The following SOBP variants were observed in gnomAD, a reference collection of about 807,000 sequenced individuals.
The protein encoded by SOBP is sine oculis-binding protein homolog.
Under a neutral mutation model 53.6 loss-of-function variants are expected in SOBP, and 4 were observed. The ratio of observed to expected loss-of-function variants is 0.07; its 90% CI spans 0.04 to 0.17. The LOEUF is 0.17. Ranked by LOEUF, SOBP falls within the 10% of genes least tolerant of loss-of-function variation. The probability of loss-of-function intolerance (pLI) is 1.00; values close to 1 mark genes in which losing one functional copy is unlikely to be tolerated. For missense variants in SOBP, 1,088 were observed against 1,204.7 expected (o/e 0.90, Z 1.43); for synonymous variants, 584 against 522.6 (o/e 1.12, Z -1.60).
At chr6:107,517,176 A>G (rs902304123) in intron 3 of SOBP, among the ~76,000 whole-genome samples, 1 of 152,236 alleles carries the variant, frequency 6.6e-6, no homozygotes, top group Non-Finnish European at 1.5e-5. Flanking sequence ...GGTATAAACA[A>G]TTATAACAGA....
chr6:107,516,018 T>G (rs1474334113), intron 3 of SOBP, among the ~76,000 whole-genome samples: 1 of 152,118 alleles, frequency 6.6e-6, no homozygotes, highest in Admixed American at 6.5e-5. Context: ...TTTAGCACTA[T>G]AAATGATTAA....
At position 107,635,112 on chromosome 6, in the gene SOBP, G is replaced by C; in HGVS notation, c.2268G>C (p.Lys756Asn). ...CGCCGCCGCCCGCGCCCCCCAAGAA[G>C]CTGCTGTCGCCTGAGGAACCGGCGG... is the stretch of plus-strand genomic sequence containing the variant. ...PPPPPPAPPK[K>N]LLSPEEPAVS... The change falls in exon 6 of 7, where the codon AAG (lysine) becomes AAC (asparagine). Residue 756 changes from lysine to asparagine, a missense_variant. This residue lies in a region of SOBP where 665 missense variants were observed against 629.7 expected (regional missense o/e 1.06). Transcript: ENST00000317357. This position sits in a 1 kb window ranked among gnomAD's most constrained non-coding sequence, Gnocchi z 4.5. 6.2e-7 allele frequency: 1 copy of C among 1,610,516 alleles called. No individual in the cohort carries two copies. The highest frequency in any genetic ancestry group is 8.5e-7 in the Non-Finnish European group (1 of 1,178,548).
chr6:107,490,442 A>AC lies in SOBP; in HGVS notation c.-171dup. On this transcript the variant is annotated 5_prime_UTR_variant, in exon 1 of 7. Transcript: ENST00000317357. ...CTGACGTCCTCCGCCGCTAGAAGAGACCCCGCTTCTCGGCGCCTGCCCTCC... is the reference window on the plus strand; with the variant it reads ...CTGACGTCCTCCGCCGCTAGAAGAGACCCCCGCTTCTCGGCGCCTGCCCTCC... 1 of 563,130 alleles carries AC rather than the reference A, an allele frequency of 1.8e-6. No individual in the cohort carries two copies. Among genetic ancestry groups the AC allele is most frequent in the South Asian group, 1.9e-5 (1 of 52,160 alleles). The allele number at this position is 563,130 out of a possible 1,614,324, so 34.9% of individuals were successfully genotyped here. A position where few individuals can be genotyped will look rare whatever the true frequency, so the allele number is the denominator to read the frequency against.
chr6:107,525,868 T>C (rs139152198), intron 3 of SOBP, among the ~76,000 whole-genome samples: 1 of 152,166 alleles, frequency 6.6e-6, no homozygotes, highest in Non-Finnish European at 1.5e-5. Flanking sequence ...GGAACTGGAT[T>C]TCTAGTCTCT....
At chr6:107,506,158 T>C (rs1249683472) in intron 2 of SOBP, 84 bp from the exon 3 acceptor site, 1 of 1,230,094 alleles carries the variant, frequency 8.1e-7, no homozygotes, top group African/African-American at 1.5e-5. Context: ...TTCATGGCCA[T>C]TTTACTTGAG....
intron 4 of SOBP, among the ~76,000 whole-genome samples, chr6:107,542,724 T>C (rs1320613083): frequency 6.6e-6 from 1 of 152,144 alleles, no homozygotes; most frequent in African/African-American, 2.4e-5. Flanking sequence ...ATTGAACCAA[T>C]TTAGTTTTTT....
intron 3 of SOBP, among the ~76,000 whole-genome samples, chr6:107,521,187 C>T (rs990807318): frequency 1.3e-5 from 2 of 148,496 alleles, no homozygotes; most frequent in African/African-American, 5.0e-5. Context: ...GTCACTCACC[C>T]AGTGTCTCCT....
intron 1 of SOBP, among the ~76,000 whole-genome samples, chr6:107,498,489 T>C (rs1210073264): frequency 6.6e-6 from 1 of 152,206 alleles, no homozygotes; most frequent in Non-Finnish European, 1.5e-5. Flanking sequence ...AATTTGTAAT[T>C]ACTGCTATTT....
intron 4 of SOBP, among the ~76,000 whole-genome samples, chr6:107,563,437 CTG>C (rs1263777953): frequency 1.3e-5 from 2 of 152,040 alleles, no homozygotes; most frequent in African/African-American, 2.4e-5. Flanking sequence ...AGTTGCAACT[CTG>C]TAATTATTCT....
intron 5 of SOBP, among the ~76,000 whole-genome samples, chr6:107,631,939 A>G (rs1770731088): frequency 6.6e-6 from 1 of 152,250 alleles, no homozygotes. Flanking sequence ...TTACACATAC[A>G]GACCCACATC....
intron 5 of SOBP, among the ~76,000 whole-genome samples, chr6:107,617,962 G>A (rs1266274431): frequency 6.6e-6 from 1 of 151,682 alleles, no homozygotes; most frequent in African/African-American, 2.4e-5. Flanking sequence ...CAAGTAGCTG[G>A]GACTACAGGC....
chr6:107,616,911 A>G (rs1040765424), intron 5 of SOBP, among the ~76,000 whole-genome samples: 1 of 152,136 alleles, frequency 6.6e-6, no homozygotes. Flanking sequence ...ATTTGCATCC[A>G]GGCATGGGGA....
intron 5 of SOBP, among the ~76,000 whole-genome samples, chr6:107,595,293 A>G (rs982612134): frequency 6.6e-6 from 1 of 150,950 alleles, no homozygotes; most frequent in Non-Finnish European, 1.5e-5. Flanking sequence ...ATATTTTTCA[A>G]TATGATACAA....
intron 5 of SOBP, among the ~76,000 whole-genome samples, chr6:107,596,073 G>A (rs1428926653): frequency 6.6e-6 from 1 of 152,114 alleles, no homozygotes; most frequent in Non-Finnish European, 1.5e-5. Context: ...TTTAATTCCA[G>A]ATGAGTCTGC....
intron 6 of SOBP, among the ~76,000 whole-genome samples, chr6:107,638,430 C>T (rs1312589048): frequency 6.6e-6 from 1 of 152,094 alleles, no homozygotes; most frequent in African/African-American, 2.4e-5. Flanking sequence ...AGGCTGGTCT[C>T]GAACTCCTGA....
intron 4 of SOBP, among the ~76,000 whole-genome samples, chr6:107,584,218 A>G (rs1000775873): frequency 1.3e-4 from 20 of 151,702 alleles, no homozygotes; most frequent in African/African-American, 3.4e-4. Context: ...TTAAAGCACA[A>G]TCTTAGAAAG....
Position 107,660,221 on chromosome 6 carries a change from G to T in SOBP, c.*2018G>T, listed in dbSNP as rs1184257571. ...TTTTGTTTTTTGTTTTATTACAGAG[G>T]TGTTCATTTTTCTCCCCCTGGGAAA... On this transcript the variant is annotated 3_prime_UTR_variant, in exon 7 of 7. Coordinates refer to ENST00000317357, the MANE Select transcript of SOBP (RefSeq NM_018013.4). 6.6e-6 allele frequency: 1 copy of T among 152,234 alleles called. No homozygotes were observed. The highest frequency in any genetic ancestry group is 1.9e-4 in the East Asian group (1 of 5,196). The allele number at this position is 152,234 out of a possible 1,614,324, so 9.4% of individuals were successfully genotyped here. A position where few individuals can be genotyped will look rare whatever the true frequency, so the allele number is the denominator to read the frequency against.
chr6:107,561,759 A>G (rs1408710068), intron 4 of SOBP, among the ~76,000 whole-genome samples: 1 of 152,192 alleles, frequency 6.6e-6, no homozygotes, highest in African/African-American at 2.4e-5. Context: ...TTAAAATCAA[A>G]GCTTCCGGAA....
At chr6:107,502,067 C>A (rs185062883) in intron 1 of SOBP, among the ~76,000 whole-genome samples, 2 of 152,250 alleles carry the variant, frequency 1.3e-5, no homozygotes, top group South Asian at 4.1e-4. Flanking sequence ...AGCAAAAAAT[C>A]TAGCATCCTG....
Sources: gnomAD v4.1 joint callset for allele counts (sites outside exome capture counted in the v4.1 genomes callset) on GRCh38, gnomAD v4.1.1 for gene constraint, gnomAD v4.1.1 regional missense constraint, Gnocchi (gnomAD v3.1) non-coding constraint, MANE v1.5 for transcripts, NCBI Gene and HGNC (gene_info 2026-07-23, HGNC 2026-07-21) for gene names.